Variants in PAM observed in about 807,000 individuals in gnomAD.
PAM encodes the protein peptidyl-glycine alpha-amidating monooxygenase.
PAM carries 72 observed loss-of-function variants against 122.1 expected under a neutral mutation model. The ratio of observed to expected loss-of-function variants is 0.59; its 90% CI spans 0.49 to 0.72. The LOEUF (loss-of-function observed/expected upper bound fraction) is 0.72, where lower values mean the gene tolerates loss of function less well. PAM is among the 30% of genes least tolerant of loss of function. The probability of loss-of-function intolerance (pLI) is 0.00; values close to 1 mark genes in which losing one functional copy is unlikely to be tolerated. For synonymous variants in PAM, 389 were observed against 404.4 expected (o/e 0.96, Z 0.46); for missense variants, 1,106 against 1,183.7 (o/e 0.93, Z 0.96).
At chr5:102,967,967 C>A (rs755805980) in intron 14 of PAM, among the ~76,000 whole-genome samples, 1 of 152,228 alleles carries the variant, frequency 6.6e-6, no homozygotes, top group East Asian at 1.9e-4. Flanking sequence ...AAGTGATAGG[C>A]CTGTCTTGGC....
chr5:103,002,908 A>C, intron 16 of PAM, 125 bp from the exon 17 acceptor site: 1 of 640,584 alleles, frequency 1.6e-6, no homozygotes, highest in Non-Finnish European at 2.9e-6. Flanking sequence ...GAAATGTGGC[A>C]GACAAAGAGT....
At position 103,006,981 on chromosome 5, in the gene PAM, A is replaced by G. The variant is rs944020541; in HGVS notation, c.1984A>G (p.Ser662Gly). 3 of 1,613,654 alleles carry G rather than the reference A, an allele frequency of 1.9e-6. No homozygotes were observed. Among genetic ancestry groups the G allele is most frequent in the Admixed American group, 1.7e-5 (1 of 59,954 alleles). ...CAGCAGGATTGTGCAGTTTTCACCA[A>G]GTGGAAAGTTCATCACACAGTGGGG... ...CNSRIVQFSP[S>G]GKFITQWGEE... Residue 662 changes from serine to glycine, a missense_variant, in exon 19 of 26, where the codon AGT becomes GGT. Transcript: ENST00000438793.
chr5:102,866,326 A>G, intron 2 of PAM, 42 bp downstream of exon 2: 1 of 1,265,938 alleles, frequency 7.9e-7, no homozygotes, highest in Non-Finnish European at 1.2e-6. Context: ...CATGCTGTTG[A>G]GAAATGTAAT....
chr5:102,904,397 C>T (rs1480341011), intron 4 of PAM, among the ~76,000 whole-genome samples: 1 of 151,320 alleles, frequency 6.6e-6, no homozygotes, highest in Non-Finnish European at 1.5e-5. Flanking sequence ...GGATAGGCAC[C>T]GACTCAATAA....
intron 14 of PAM, among the ~76,000 whole-genome samples, chr5:102,966,055 T>G (rs1030313033): frequency 6.6e-6 from 1 of 152,078 alleles, no homozygotes; most frequent in Non-Finnish European, 1.5e-5. Flanking sequence ...AAAACACAAA[T>G]AATTTTAGTA....
chr5:102,958,963 A>G (rs1471532465), intron 12 of PAM, among the ~76,000 whole-genome samples: 2 of 152,064 alleles, frequency 1.3e-5, no homozygotes, highest in African/African-American at 4.8e-5. Context: ...TGCCCAAACA[A>G]CTTTGCTATG....
chr5:102,873,038 C>G (rs1290255774), intron 3 of PAM, among the ~76,000 whole-genome samples: 2 of 151,558 alleles, frequency 1.3e-5, no homozygotes, highest in Non-Finnish European at 2.9e-5. Context: ...ACCTGTATAG[C>G]AAACCTACAT....
intron 21 of PAM, among the ~76,000 whole-genome samples, chr5:103,014,447 T>C (rs1334449330): frequency 6.6e-6 from 1 of 152,208 alleles, no homozygotes; most frequent in African/African-American, 2.4e-5. Context: ...CCAAAACATA[T>C]AAATATATTC....
At chr5:102,991,460 T>G (rs567109189) in intron 16 of PAM, among the ~76,000 whole-genome samples, 1 of 152,288 alleles carries the variant, frequency 6.6e-6, no homozygotes, top group East Asian at 1.9e-4. Context: ...TTCATACATA[T>G]AACTATGGGT....
chr5:103,028,105 A>G (rs2151410153), intron 24 of PAM, 80 bp from the exon 25 acceptor site: 3 of 1,062,432 alleles, frequency 2.8e-6, no homozygotes, highest in Non-Finnish European at 4.4e-6. Context: ...ACCAGTTCCT[A>G]TTTTAAGTTG....
intron 21 of PAM, among the ~76,000 whole-genome samples, chr5:103,013,315 A>G (rs903493663): frequency 1.3e-5 from 2 of 151,980 alleles, no homozygotes; most frequent in South Asian, 4.1e-4. Flanking sequence ...ACTTAAAAAT[A>G]TTTTTGGCTA....
In PAM at chr5:102,974,279, G is replaced by C. The variant is rs373495667; in HGVS notation, c.1326G>C (p.Glu442Asp). 1 of 1,614,104 alleles carries C rather than the reference G, an allele frequency of 6.2e-7. No homozygotes were observed. Among genetic ancestry groups the C allele is most frequent in the Non-Finnish European group, 8.5e-7 (1 of 1,179,982 alleles). ...KKDLGRSDAR[E>D]GAEHERGNAI... is the part of the protein sequence containing the mutation. ...ATCTTGGTCGATCTGATGCCAGAGA[G>C]GGTGCAGAACATGAGAGGGGTAATG... is the stretch of plus-strand genomic sequence containing the variant. The change falls in exon 15 of 26, where the codon GAG becomes GAC. Residue 442 changes from glutamate to aspartate, a missense_variant. Glu to Asp is a conservative substitution (Grantham distance 45). Around this residue, in one of 3 missense-constraint regions of PAM, gnomAD observed 670 missense variants for 690.3 expected, o/e 0.97. Transcript: ENST00000438793.
chr5:102,831,489 A>G (rs991226072), intron 1 of PAM, among the ~76,000 whole-genome samples: 1 of 151,866 alleles, frequency 6.6e-6, no homozygotes, highest in African/African-American at 2.4e-5. Context: ...ACATTTTAAC[A>G]TAGATTAAAT....
intron 7 of PAM, among the ~76,000 whole-genome samples, chr5:102,927,212 G>C (rs1464458761): frequency 1.3e-5 from 2 of 152,152 alleles, no homozygotes. Context: ...CTAGACACCT[G>C]TTGCTCTACC....
At chr5:102,970,825 G>A (rs1377027612) in intron 14 of PAM, among the ~76,000 whole-genome samples, 1 of 151,258 alleles carries the variant, frequency 6.6e-6, no homozygotes, top group Non-Finnish European at 1.5e-5. Context: ...TTTATTTTTT[G>A]AGACTGAGTC....
chr5:102,988,229 C>G (rs1056996922), intron 15 of PAM, among the ~76,000 whole-genome samples: 1 of 151,316 alleles, frequency 6.6e-6, no homozygotes, highest in Non-Finnish European at 1.5e-5. Flanking sequence ...AAAATATTCT[C>G]TGCCCACTTC....
chr5:102,825,290 C>T (rs903877162), intron 1 of PAM, among the ~76,000 whole-genome samples: 1 of 152,068 alleles, frequency 6.6e-6, no homozygotes, highest in Non-Finnish European at 1.5e-5. Flanking sequence ...TCTGTAATAC[C>T]TTTACTTCAA....
chr5:102,765,394 A>G (rs576707145), intron 1 of PAM, among the ~76,000 whole-genome samples: 1 of 152,308 alleles, frequency 6.6e-6, no homozygotes, highest in African/African-American at 2.4e-5. Flanking sequence ...TTTTAAGCAA[A>G]TGTACGACAT....
At chr5:102,886,878 A>G (rs1793278747) in intron 3 of PAM, among the ~76,000 whole-genome samples, 1 of 152,214 alleles carries the variant, frequency 6.6e-6, no homozygotes, top group African/African-American at 2.4e-5. Flanking sequence ...GAAGGTACTC[A>G]GTGAGTATCT....
Sources: gnomAD v4.1 joint callset for allele counts (sites outside exome capture counted in the v4.1 genomes callset) on GRCh38, gnomAD v4.1.1 for gene constraint, gnomAD v4.1.1 regional missense constraint, MANE v1.5 for transcripts, NCBI Gene and HGNC (gene_info 2026-07-23, HGNC 2026-07-21) for gene names.